The following SGCZ variants were observed in gnomAD, a reference collection of about 807,000 sequenced individuals.
SGCZ encodes sarcoglycan zeta, also known as zeta-sarcoglycan.
Under a neutral mutation model 41.3 loss-of-function variants are expected in SGCZ, and 40 were observed. The observed-to-expected ratio is 0.97, with a 90% CI of 0.75 to 1.26. SGCZ has a LOEUF of 1.26. Ranked by LOEUF, SGCZ falls within the 50% of genes most tolerant of loss-of-function variation. SGCZ has a pLI of 0.00. For synonymous variants in SGCZ, 206 were observed against 137.5 expected (o/e 1.50, Z -3.49); for missense variants, 552 against 369.8 (o/e 1.49, Z -4.04).
intron 1 of SGCZ, among the ~76,000 whole-genome samples, chr8:14,761,802 G>C (rs1262310447): frequency 6.6e-6 from 1 of 152,080 alleles, no homozygotes. Context: ...TGGGATTACA[G>C]GTGTGAAGGT....
intron 1 of SGCZ, among the ~76,000 whole-genome samples, chr8:15,110,171 C>T (rs1016316725): frequency 1.1e-4 from 16 of 152,220 alleles, no homozygotes; most frequent in African/African-American, 3.9e-4. Context: ...CTTTGAATTA[C>T]AGGAATGGAT....
At chr8:14,138,560 A>ACTT (rs1377977998) in intron 5 of SGCZ, among the ~76,000 whole-genome samples, 2 of 151,870 alleles carry the variant, frequency 1.3e-5, no homozygotes, top group African/African-American at 4.8e-5. Context: ...GATAAAATGG[A>ACTT]CTTCAAACCA....
intron 3 of SGCZ, among the ~76,000 whole-genome samples, chr8:14,277,891 CAG>C (rs992030272): frequency 5.3e-5 from 8 of 151,646 alleles, no homozygotes; most frequent in African/African-American, 1.7e-4. Flanking sequence ...GATTAACCAC[CAG>C]AGAGAGAGAA....
chr8:15,198,761 GC>G (rs753811060), intron 1 of SGCZ, among the ~76,000 whole-genome samples: 24 of 152,136 alleles, frequency 1.6e-4, no homozygotes, highest in Non-Finnish European at 2.4e-4. Context: ...ACAATATTGA[GC>G]ATGGGGGAAT....
At chr8:14,491,601 A>T (rs944232700) in intron 2 of SGCZ, among the ~76,000 whole-genome samples, 3 of 152,210 alleles carry the variant, frequency 2.0e-5, no homozygotes, top group Non-Finnish European at 2.9e-5. Context: ...GCTGATATCA[A>T]TATGAATATA....
At chr8:14,289,095 C>G (rs371224078) in intron 3 of SGCZ, among the ~76,000 whole-genome samples, 34 of 152,114 alleles carry the variant, frequency 2.2e-4, no homozygotes, top group African/African-American at 7.7e-4. Context: ...CGTGTATTCA[C>G]GTTATTTGTA....
intron 7 of SGCZ, among the ~76,000 whole-genome samples, 179 bp downstream of exon 7, chr8:14,102,197 C>CAAATATATACTTCTTGA (rs1172822483): frequency 2.0e-5 from 3 of 151,206 alleles, no homozygotes; most frequent in African/African-American, 7.3e-5. Flanking sequence ...CTTGGCCTCC[C>CAAATATATACTTCTTGA]AAATATATAC....
At chr8:15,189,512 A>C (rs1035709315) in intron 1 of SGCZ, among the ~76,000 whole-genome samples, 7 of 152,080 alleles carry the variant, frequency 4.6e-5, no homozygotes, top group African/African-American at 1.7e-4. Flanking sequence ...ATCACGCTCA[A>C]GGGACTCTTT....
At chr8:14,793,687 G>A (rs1246694011) in intron 1 of SGCZ, among the ~76,000 whole-genome samples, 1 of 152,072 alleles carries the variant, frequency 6.6e-6, no homozygotes, top group Non-Finnish European at 1.5e-5. Flanking sequence ...GGGTAGGCAT[G>A]GGTGAAACTG....
intron 2 of SGCZ, among the ~76,000 whole-genome samples, chr8:14,509,204 C>G (rs1802395490): frequency 1.3e-5 from 2 of 152,056 alleles, no homozygotes; most frequent in East Asian, 3.9e-4. Flanking sequence ...AACTTAATAC[C>G]ATTATTAGGA....
intron 1 of SGCZ, among the ~76,000 whole-genome samples, chr8:15,087,857 T>C (rs889989374): frequency 1.3e-5 from 2 of 152,122 alleles, no homozygotes; most frequent in African/African-American, 4.8e-5. Flanking sequence ...ATTAAGAATA[T>C]ATAAGGCATA....
intron 2 of SGCZ, among the ~76,000 whole-genome samples, chr8:14,389,663 T>C (rs996332584): frequency 3.9e-5 from 6 of 151,918 alleles, no homozygotes; most frequent in African/African-American, 9.7e-5. Context: ...CTTAAGAATA[T>C]GTTTTAGTAA....
intron 1 of SGCZ, among the ~76,000 whole-genome samples, chr8:14,856,629 C>A (rs1290920178): frequency 6.6e-6 from 1 of 151,970 alleles, no homozygotes; most frequent in Non-Finnish European, 1.5e-5. Context: ...GACTGTGAAA[C>A]CCATTTATTC....
At chr8:15,092,128 C>T (rs1463096241) in intron 1 of SGCZ, among the ~76,000 whole-genome samples, 2 of 152,144 alleles carry the variant, frequency 1.3e-5, no homozygotes, top group Non-Finnish European at 2.9e-5. Flanking sequence ...ATAATACGGT[C>T]AGTGAAAACG....
intron 1 of SGCZ, among the ~76,000 whole-genome samples, chr8:14,940,093 A>G (rs1427279381): frequency 1.3e-5 from 2 of 152,148 alleles, no homozygotes; most frequent in East Asian, 3.9e-4. Context: ...GTCACTGGAA[A>G]ACATGTTCCT....
At chr8:14,199,353 G>C (rs896276800) in intron 4 of SGCZ, among the ~76,000 whole-genome samples, 1 of 152,150 alleles carries the variant, frequency 6.6e-6, no homozygotes, top group African/African-American at 2.4e-5. Context: ...CTGGTTGTCT[G>C]CTCTCAAATT....
chr8:14,327,564 A>G (rs1802167142), intron 2 of SGCZ, among the ~76,000 whole-genome samples: 1 of 152,176 alleles, frequency 6.6e-6, no homozygotes, highest in Non-Finnish European at 1.5e-5. Flanking sequence ...TTAATACTAA[A>G]AAATGTTCTG....
At position 14,790,582 on chromosome 8, in the gene SGCZ, A is replaced by T. The variant is rs187644039; in HGVS notation, c.40-235656T>A. On this transcript the variant is annotated intron_variant, in intron 1 of 7. Coordinates refer to ENST00000382080, the MANE Select transcript of SGCZ (RefSeq NM_139167.4). ...CTATAATAACTAAGTAACTACATAT[A>T]AATAACTAAGAATTAAAGGTAAGAA... Among the ~76,000 whole-genome samples the T allele has an allele frequency of 3.0e-4, 46 of 152,322 alleles. No individual in the cohort carries two copies. The East Asian group carries it at 6.4e-3, about 21-fold the overall frequency.
chr8:14,233,379 T>C (rs1312304589), intron 4 of SGCZ, among the ~76,000 whole-genome samples: 1 of 151,586 alleles, frequency 6.6e-6, no homozygotes, highest in Non-Finnish European at 1.5e-5. Context: ...AAACTACTTA[T>C]AAATGTAGTT....
Sources: gnomAD v4.1 joint callset for allele counts (sites outside exome capture counted in the v4.1 genomes callset) on GRCh38, gnomAD v4.1.1 for gene constraint, MANE v1.5 for transcripts, NCBI Gene and HGNC (gene_info 2026-07-23, HGNC 2026-07-21) for gene names.